Variants in GABRG1 observed in about 807,000 individuals in gnomAD.
GABRG1 encodes the protein gamma-aminobutyric acid receptor subunit gamma-1.
A neutral mutation model predicts 49.8 loss-of-function variants in GABRG1; 49 were observed. That is an observed-to-expected ratio of 0.98 (90% CI 0.78 to 1.25). GABRG1 has a LOEUF of 1.25. GABRG1 is among the 50% of genes most tolerant of loss of function. The pLI is 0.00. For synonymous variants in GABRG1, 232 were observed against 185.1 expected (o/e 1.25, Z -2.06); for missense variants, 552 against 552.3 (o/e 1.00, Z 0.01).
chr4:46,051,391 T>C, intron 8 of GABRG1, 33 bp downstream of exon 8: 1 of 1,481,532 alleles, frequency 6.7e-7, no homozygotes, highest in African/African-American at 1.4e-5. Flanking sequence ...TAAGTTGAGG[T>C]TTATAAAATA....
chr4:46,048,257 A>T (rs1718077176), intron 8 of GABRG1, among the ~76,000 whole-genome samples: 1 of 152,014 alleles, frequency 6.6e-6, no homozygotes, highest in East Asian at 1.9e-4. Flanking sequence ...ATACACCTGA[A>T]TTATATACTT....
At chr4:46,094,185 TA>T (rs35843139) in intron 2 of GABRG1, among the ~76,000 whole-genome samples, 16,683 of 151,526 alleles carry the variant, frequency 0.11, 2,133 homozygotes, top group African/African-American at 0.31. Flanking sequence ...AAAATGTATA[TA>T]AAAAAAAGAG....
intron 3 of GABRG1, among the ~76,000 whole-genome samples, chr4:46,072,654 G>T (rs1719173864): frequency 6.6e-6 from 1 of 151,966 alleles, no homozygotes; most frequent in South Asian, 2.1e-4. Flanking sequence ...TATTGTCTCT[G>T]TTTATTTTTC....
intron 8 of GABRG1, among the ~76,000 whole-genome samples, chr4:46,047,776 C>G (rs1418774513): frequency 6.6e-6 from 1 of 151,872 alleles, no homozygotes; most frequent in Non-Finnish European, 1.5e-5. Context: ...TCACAGACTC[C>G]TTGTTTAATT....
chr4:46,118,132 G>GTGTATATATATATATATATATATATATA lies in GABRG1; in HGVS notation c.104+5677_104+5678insTATATATATATATATATATATATATACA, dbSNP rs377481920. On this transcript the variant is annotated intron_variant, in intron 1 of 8. Coordinates refer to ENST00000295452, the MANE Select transcript of GABRG1 (RefSeq NM_173536.4). The stretch of plus-strand genomic sequence containing the variant: ...TATATACATATATACGTGTGTGTGT[G>GTGTATATATATATATATATATATATATA]TATATATATATATACAGCTACAGTA... 1.8e-5 allele frequency among the ~76,000 whole-genome samples: 2 copies of GTGTATATATATATATATATATATATATA among 109,966 alleles called. 1 individual carries two copies. Among genetic ancestry groups the GTGTATATATATATATATATATATATATA allele is most frequent in the African/African-American group, 1.1e-4 (2 of 17,896 alleles). 72.1% of individuals were successfully genotyped at this position (109,966 alleles called of 152,430 possible). A position where few individuals can be genotyped will look rare whatever the true frequency, so the allele number is the denominator to read the frequency against.
intron 2 of GABRG1, among the ~76,000 whole-genome samples, chr4:46,086,935 G>C (rs1057400651): frequency 7.3e-6 from 1 of 137,260 alleles, no homozygotes; most frequent in African/African-American, 2.8e-5. Flanking sequence ...TAAAAGAATG[G>C]CTACTCCATA....
chr4:46,064,010 G>A (rs549880138), intron 5 of GABRG1, among the ~76,000 whole-genome samples: 55 of 151,988 alleles, frequency 3.6e-4, no homozygotes, highest in African/African-American at 1.2e-3. Context: ...TTTGCTATTC[G>A]TATGGTAAAT....
intron 3 of GABRG1, among the ~76,000 whole-genome samples, chr4:46,081,429 A>G (rs1719563692): frequency 1.3e-5 from 2 of 151,984 alleles, no homozygotes; most frequent in Admixed American, 1.3e-4. Flanking sequence ...TGCTATCACT[A>G]CAGTAATCAG....
intron 1 of GABRG1, among the ~76,000 whole-genome samples, chr4:46,112,295 C>T (rs1361392590): frequency 2.0e-5 from 3 of 151,030 alleles, no homozygotes; most frequent in Non-Finnish European, 4.5e-5. Flanking sequence ...AGATATCCTA[C>T]ACCAATCAGA....
intron 2 of GABRG1, among the ~76,000 whole-genome samples, chr4:46,094,598 G>A (rs932320084): frequency 5.3e-5 from 8 of 152,060 alleles, no homozygotes; most frequent in African/African-American, 1.9e-4. Flanking sequence ...CAAGAAAAAT[G>A]TCAAAAACAA....
At chr4:46,108,685 G>A (rs1577668877) in intron 1 of GABRG1, among the ~76,000 whole-genome samples, 1 of 150,766 alleles carries the variant, frequency 6.6e-6, no homozygotes, top group East Asian at 2.0e-4. Context: ...CACTAAGTTA[G>A]CACTCAATTA....
chr4:46,111,577 A>T (rs1204574049), intron 1 of GABRG1, among the ~76,000 whole-genome samples: 1 of 151,424 alleles, frequency 6.6e-6, no homozygotes, highest in Non-Finnish European at 1.5e-5. Context: ...TCATCACATT[A>T]TCTTATTTTA....
chr4:46,115,756 G>A (rs1266291514), intron 1 of GABRG1, among the ~76,000 whole-genome samples: 2 of 150,720 alleles, frequency 1.3e-5, no homozygotes, highest in East Asian at 3.9e-4. Context: ...AATTTAAATT[G>A]CTTTTAGCAC....
At chr4:46,062,967 T>C (rs1201387522) in intron 5 of GABRG1, among the ~76,000 whole-genome samples, 1 of 151,430 alleles carries the variant, frequency 6.6e-6, no homozygotes, top group Non-Finnish European at 1.5e-5. Flanking sequence ...ACAAGGGACG[T>C]GAAGGACCTC....
chr4:46,039,548 A>ATGGTCATTGGTCTTGGCAACAGAAACAG lies in GABRG1; in HGVS notation c.*1439_*1440insCTGTTTCTGTTGCCAAGACCAATGACCA, dbSNP rs1286866867. The ATGGTCATTGGTCTTGGCAACAGAAACAG allele has an allele frequency of 3.3e-5, 5 of 151,612 alleles. No homozygotes were observed. Among genetic ancestry groups the ATGGTCATTGGTCTTGGCAACAGAAACAG allele is most frequent in the Non-Finnish European group, 7.4e-5 (5 of 67,742 alleles). The allele number at this position is 151,612 out of a possible 1,614,324, so 9.4% of individuals were successfully genotyped here. The stretch of plus-strand genomic sequence containing the variant: ...GGCTGTGATCATAAAACTCTTCATC[A>ATGGTCATTGGTCTTGGCAACAGAAACAG]TGGTCATTGGTCTTGGCAACAGAAA... On this transcript the variant is annotated 3_prime_UTR_variant, in exon 9 of 9. Transcript: ENST00000295452.
At chr4:46,094,122 A>G (rs1334118984) in intron 2 of GABRG1, among the ~76,000 whole-genome samples, 1 of 152,052 alleles carries the variant, frequency 6.6e-6, no homozygotes, top group Admixed American at 6.6e-5. Context: ...AAAGCAGTAC[A>G]TGAGAAAATT....
intron 1 of GABRG1, among the ~76,000 whole-genome samples, chr4:46,112,957 C>T (rs769637450): frequency 5.8e-4 from 88 of 151,116 alleles, no homozygotes; most frequent in Middle Eastern, 3.4e-3. Context: ...AATAGCTACA[C>T]GGCTACAAGT....
At chr4:46,101,618 G>T (rs1720381192) in intron 1 of GABRG1, among the ~76,000 whole-genome samples, 1 of 151,586 alleles carries the variant, frequency 6.6e-6, no homozygotes, top group South Asian at 2.1e-4. Context: ...TTATAATCTT[G>T]ATCTAGATGG....
At chr4:46,049,205 C>T (rs142419108) in intron 8 of GABRG1, among the ~76,000 whole-genome samples, 24 of 152,008 alleles carry the variant, frequency 1.6e-4, no homozygotes, top group African/African-American at 5.8e-4. Flanking sequence ...GCTACAACAT[C>T]TTGCAACCAA....
Sources: allele counts gnomAD v4.1 joint callset (sites outside exome capture counted in the v4.1 genomes callset), GRCh38; gene constraint gnomAD v4.1.1; transcripts MANE v1.5; gene names NCBI Gene and HGNC (gene_info 2026-07-23, HGNC 2026-07-21).